Variants in PDE11A observed in about 807,000 individuals in gnomAD.
PDE11A encodes dual 3',5'-cyclic-AMP and -GMP phosphodiesterase 11A.
In PDE11A, 100 loss-of-function variants were observed where a neutral mutation model predicts 100.5. The ratio of observed to expected loss-of-function variants is 1.00; its 90% CI spans 0.85 to 1.18. The LOEUF (loss-of-function observed/expected upper bound fraction) is 1.18. Among genes scored for constraint, PDE11A ranks in the 50% most tolerant of loss-of-function variants. The probability of loss-of-function intolerance (pLI) is 0.00; values close to 1 mark genes in which losing one functional copy is unlikely to be tolerated. For synonymous variants in PDE11A, 381 were observed against 420.8 expected, an observed-to-expected ratio of 0.91 and a Z score of 1.16; for missense variants, 1,141 against 1,152.6, an observed-to-expected ratio of 0.99 and a Z score of 0.15.
At chr2:178,029,546 C>T (rs181019408) in intron 1 of PDE11A, among the ~76,000 whole-genome samples, 1 of 151,164 alleles carries the variant, frequency 6.6e-6, no homozygotes, top group East Asian at 1.9e-4. Context: ...AAATGCTTAC[C>T]TCAGGAAAAA....
At chr2:177,800,697 T>C (rs2082780309) in intron 9 of PDE11A, among the ~76,000 whole-genome samples, 1 of 152,214 alleles carries the variant, frequency 6.6e-6, no homozygotes, top group Non-Finnish European at 1.5e-5. Flanking sequence ...CATATTTCTA[T>C]ACATAAGGGA....
intron 10 of PDE11A, among the ~76,000 whole-genome samples, chr2:177,747,061 T>C (rs1470040912): frequency 2.0e-5 from 3 of 152,144 alleles, no homozygotes; most frequent in Non-Finnish European, 2.9e-5. Context: ...CATTCTGTAA[T>C]GTCAGCTGGA....
intron 2 of PDE11A, among the ~76,000 whole-genome samples, chr2:178,088,873 T>C (rs1380307996): frequency 6.6e-6 from 1 of 152,260 alleles, no homozygotes; most frequent in Admixed American, 6.5e-5. Flanking sequence ...GGATATTTAA[T>C]TCAAGTGTAG....
intron 2 of PDE11A, among the ~76,000 whole-genome samples, chr2:177,973,070 T>C (rs1304169717): frequency 1.3e-5 from 2 of 152,062 alleles, no homozygotes; most frequent in Non-Finnish European, 2.9e-5. Flanking sequence ...AGAAAATGGC[T>C]GAGGGAGGAG....
At chr2:177,641,734 A>C (rs137858700) in intron 19 of PDE11A, among the ~76,000 whole-genome samples, 2 of 152,374 alleles carry the variant, frequency 1.3e-5, no homozygotes, top group South Asian at 2.1e-4. Context: ...CACAGAAGGA[A>C]GCCCAGACTT....
chr2:177,957,282 T>C (rs1335822530), intron 2 of PDE11A, among the ~76,000 whole-genome samples: 5 of 152,312 alleles, frequency 3.3e-5, no homozygotes, highest in African/African-American at 1.2e-4. Context: ...ATAAAGAAGA[T>C]GGCAAACTTA....
At chr2:177,638,044 G>A (rs2080076559) in intron 19 of PDE11A, among the ~76,000 whole-genome samples, 2 of 133,674 alleles carry the variant, frequency 1.5e-5, no homozygotes, top group South Asian at 4.6e-4. Flanking sequence ...CTGTCACCCA[G>A]GCTGGAGTGC....
chr2:177,710,375 G>T (rs1419576213), intron 13 of PDE11A, among the ~76,000 whole-genome samples: 5 of 152,152 alleles, frequency 3.3e-5, no homozygotes, highest in African/African-American at 1.2e-4. Flanking sequence ...GGAGGCGGGG[G>T]AGCAGGAGGT....
At chr2:177,731,893 TA>T (rs2081696481) in intron 10 of PDE11A, among the ~76,000 whole-genome samples, 3 of 152,182 alleles carry the variant, frequency 2.0e-5, no homozygotes, top group African/African-American at 7.2e-5. Context: ...TTGTCACCAT[TA>T]AGTCCCTTCC....
rs116482154 is a variant in PDE11A, at chr2:177,864,227, C to T, written c.1367+11632G>A. 7.2e-3 allele frequency among the ~76,000 whole-genome samples: 1,095 copies of T among 151,970 alleles called. 10 individuals carry two copies. The highest frequency in any genetic ancestry group is 0.025 in the African/African-American group (1,018 of 41,446). On this transcript the variant is annotated intron_variant, in intron 5 of 19. Coordinates refer to ENST00000286063, the MANE Select transcript of PDE11A (RefSeq NM_016953.4). ...GGGAAGAAAATAGGGAGATGTAGGT[C>T]GGAGGATACAAAGTAGCAGATATGT...
chr2:177,719,974 A>G (rs1386272033), intron 12 of PDE11A, among the ~76,000 whole-genome samples: 2 of 151,712 alleles, frequency 1.3e-5, no homozygotes, highest in Non-Finnish European at 2.9e-5. Flanking sequence ...TACATCTCCT[A>G]ATGGAAGCTG....
intron 2 of PDE11A, among the ~76,000 whole-genome samples, chr2:177,923,941 T>C (rs13413095): frequency 0.086 from 13,058 of 152,168 alleles, 531 homozygotes; most frequent in South Asian, 0.1. Flanking sequence ...AAAGAATCAA[T>C]TAATAAATAA....
intron 2 of PDE11A, among the ~76,000 whole-genome samples, chr2:178,090,358 C>G (rs945185538): frequency 6.6e-6 from 1 of 152,144 alleles, no homozygotes; most frequent in South Asian, 2.1e-4. Flanking sequence ...ACATTGCTAT[C>G]GGCAAAGAGA....
Position 177,629,273 on chromosome 2 carries a change from G to A in PDE11A, c.*134C>T. On this transcript the variant is annotated 3_prime_UTR_variant, in exon 20 of 20. Transcript: ENST00000286063. Reference sequence around the variant, plus strand: ...CTGCTGACCATGCTTCAAGGTGAAAGCCCAGGCATGCTTCCCAGTGCATCC... The same window carrying A: ...CTGCTGACCATGCTTCAAGGTGAAAACCCAGGCATGCTTCCCAGTGCATCC... 1 of 828,074 alleles carries A rather than the reference G, an allele frequency of 1.2e-6. No homozygotes were observed. Among genetic ancestry groups the A allele is most frequent in the Non-Finnish European group, 2.1e-6 (1 of 477,006 alleles). 51.3% of individuals were successfully genotyped at this position (828,074 alleles called of 1,614,324 possible). A position where few individuals can be genotyped will look rare whatever the true frequency, so the allele number is the denominator to read the frequency against.
intron 2 of PDE11A, among the ~76,000 whole-genome samples, chr2:177,941,485 A>G (rs1245196744): frequency 1.3e-5 from 2 of 152,130 alleles, no homozygotes; most frequent in East Asian, 1.9e-4. Flanking sequence ...TTCCCAAAAT[A>G]CCGAGTACCC....
At chr2:177,724,296 C>A (rs925933045) in intron 12 of PDE11A, among the ~76,000 whole-genome samples, 1 of 151,648 alleles carries the variant, frequency 6.6e-6, no homozygotes, top group Non-Finnish European at 1.5e-5. Flanking sequence ...CATTTTATAT[C>A]AATTTGCCTG....
At chr2:178,033,869 G>C (rs992551469) in intron 1 of PDE11A, among the ~76,000 whole-genome samples, 1 of 152,148 alleles carries the variant, frequency 6.6e-6, no homozygotes, top group Non-Finnish European at 1.5e-5. Flanking sequence ...TCACCACAAA[G>C]CCTGCCTTAC....
chr2:177,766,290 T>C (rs1428793423), intron 10 of PDE11A, among the ~76,000 whole-genome samples: 2 of 152,228 alleles, frequency 1.3e-5, no homozygotes, highest in Non-Finnish European at 2.9e-5. Context: ...GAGAATCTAA[T>C]GCCACTGCTG....
At chr2:177,921,480 A>T (rs994278660) in intron 2 of PDE11A, among the ~76,000 whole-genome samples, 2 of 149,940 alleles carry the variant, frequency 1.3e-5, no homozygotes, top group African/African-American at 4.9e-5. Flanking sequence ...GCAAAAAAAA[A>T]AAAAGAAAAA....
Sources: gnomAD v4.1 joint callset for allele counts (sites outside exome capture counted in the v4.1 genomes callset) on GRCh38, gnomAD v4.1.1 for gene constraint, MANE v1.5 for transcripts, NCBI Gene and HGNC (gene_info 2026-07-23, HGNC 2026-07-21) for gene names.